The following PWWP2A variants were observed in gnomAD, a reference collection of about 807,000 sequenced individuals.
PWWP2A encodes the protein PWWP domain-containing protein 2A.
A neutral mutation model predicts 48.5 loss-of-function variants in PWWP2A; 18 were observed. That is an observed-to-expected ratio of 0.37 (90% confidence interval 0.26 to 0.55). PWWP2A has a LOEUF of 0.55. PWWP2A is among the 20% of genes least tolerant of loss of function. The pLI, the probability that PWWP2A is intolerant of heterozygous loss-of-function variation, is 0.81. For missense variants in PWWP2A, 867 were observed against 976.4 expected (o/e 0.89, Z 1.49); for synonymous variants, 396 against 387.7 (o/e 1.02, Z -0.25).
At chr5:160,094,710 C>T (rs1187428413) in intron 1 of PWWP2A, among the ~76,000 whole-genome samples, 3 of 152,086 alleles carry the variant, frequency 2.0e-5, no homozygotes, top group Non-Finnish European at 2.9e-5. Context: ...CTTTTTAAAT[C>T]ATCTCACATT....
At chr5:160,118,682 C>T in intron 1 of PWWP2A, 123 bp downstream of exon 1, 1 of 1,010,882 alleles carries the variant, frequency 9.9e-7, no homozygotes, top group Admixed American at 4.2e-5. Flanking sequence ...ACGCGCCGCG[C>T]AGGACCAGAG....
chr5:160,065,149 A>G, intron 4 of PWWP2A: 2 of 1,547,914 alleles, frequency 1.3e-6, no homozygotes, highest in Non-Finnish European at 1.7e-6. Flanking sequence ...CCAATGTTTA[A>G]CTTTTAAAAG....
At chr5:160,095,047 C>CAAAAAAA (rs70987998) in intron 1 of PWWP2A, among the ~76,000 whole-genome samples, 2,100 of 30,888 alleles carry the variant, frequency 0.068, 706 homozygotes, top group Non-Finnish European at 0.083. Flanking sequence ...GACTCTGTCT[C>CAAAAAAA]AAAAAAAAAA....
At chr5:160,055,244 A>C in the PWWP2A span, among the ~76,000 whole-genome samples, 1 of 152,148 alleles carries the variant, frequency 6.6e-6, no homozygotes, top group Non-Finnish European at 1.5e-5. Flanking sequence ...ATTGTCAATA[A>C]AATCTGTATG....
chr5:160,063,851 G>A (rs1753509437), intron 4 of PWWP2A, among the ~76,000 whole-genome samples: 1 of 151,080 alleles, frequency 6.6e-6, no homozygotes. Flanking sequence ...TGCGTTGCTC[G>A]GGCTGGTCTT....
intron 1 of PWWP2A, among the ~76,000 whole-genome samples, chr5:160,113,941 A>G (rs962326173): frequency 3.3e-5 from 5 of 152,306 alleles, no homozygotes; most frequent in Non-Finnish European, 7.4e-5. Flanking sequence ...TGCCACTTAC[A>G]AGTTAACTGG....
intron 2 of PWWP2A, among the ~76,000 whole-genome samples, chr5:160,084,638 C>A (rs570399431): frequency 6.6e-6 from 1 of 151,726 alleles, no homozygotes; most frequent in Non-Finnish European, 1.5e-5. Flanking sequence ...ACCATGTTGC[C>A]GAAGCTGGTC....
At chr5:160,073,004 CAAAAAAAAAA>C (rs35836307), downstream of PWWP2A, among the ~76,000 whole-genome samples, 9 of 58,858 alleles carry the variant, frequency 1.5e-4, no homozygotes, top group East Asian at 6.0e-4. Context: ...GGCTCCGTCT[CAAAAAAAAAA>C]AAAAAAAAAA....
chr5:160,102,193 G>T (rs944101260), intron 1 of PWWP2A, among the ~76,000 whole-genome samples: 1 of 146,624 alleles, frequency 6.8e-6, no homozygotes, highest in Non-Finnish European at 1.5e-5. Context: ...GATCACCTGA[G>T]GTCAGGAGTT....
At chr5:160,050,994 A>G in the PWWP2A span, 2 of 555,406 alleles carry the variant, frequency 3.6e-6, no homozygotes, top group African/African-American at 3.9e-5. Flanking sequence ...TTTTTTATTT[A>G]ATAGGATCAT....
chr5:160,073,337 T>C (rs1343612500), downstream of PWWP2A, among the ~76,000 whole-genome samples: 2 of 151,426 alleles, frequency 1.3e-5, no homozygotes, highest in African/African-American at 2.4e-5. Flanking sequence ...CACGCCATCC[T>C]CCTGCCTCAG....
chr5:160,045,489 C>T, the PWWP2A span, among the ~76,000 whole-genome samples: 882 of 119,650 alleles, frequency 7.4e-3, 6 homozygotes, highest in East Asian at 0.023. Context: ...CACACACACA[C>T]ACACACACAC....
At chr5:160,116,626 T>C (rs1164162149) in intron 1 of PWWP2A, 2 of 982,510 alleles carry the variant, frequency 2.0e-6, no homozygotes, top group African/African-American at 3.5e-5. Flanking sequence ...TAAAGAAAAT[T>C]TTTTAAAAAT....
chr5:160,054,796 A>C, the PWWP2A span, among the ~76,000 whole-genome samples: 1 of 152,174 alleles, frequency 6.6e-6, no homozygotes, highest in Non-Finnish European at 1.5e-5. Flanking sequence ...GAGTATATCT[A>C]AGCCTTTATG....
At chr5:160,071,265 GGTAA>G (rs1289373725), downstream of PWWP2A, among the ~76,000 whole-genome samples, 1 of 152,264 alleles carries the variant, frequency 6.6e-6, no homozygotes, top group African/African-American at 2.4e-5. Flanking sequence ...TGAGACTACT[GGTAA>G]GTAACATTTC....
downstream of PWWP2A, chr5:160,061,670 T>TC (rs1187678825): frequency 3.9e-5 from 6 of 152,268 alleles, no homozygotes; most frequent in East Asian, 1.9e-4. Context: ...CTTTTTTTTT[T>TC]TCCCCCTTAA....
intron 1 of PWWP2A, among the ~76,000 whole-genome samples, chr5:160,101,419 T>C (rs994943192): frequency 6.6e-6 from 1 of 152,114 alleles, no homozygotes; most frequent in Non-Finnish European, 1.5e-5. Flanking sequence ...AAGCCAATCA[T>C]AAAAAGATAT....
rs1206869165 is a variant in PWWP2A at position 160,108,684 on chromosome 5, C to A, written c.584+10121G>T. 3 of 830,684 alleles carry A rather than the reference C, an allele frequency of 3.6e-6. No homozygotes were observed. The African/African-American group carries it at 5.3e-5, about 15-fold the overall frequency. The allele number at this position is 830,684 out of a possible 1,614,324, so 51.5% of individuals were successfully genotyped here. A position where few individuals can be genotyped will look rare whatever the true frequency, so the allele number is the denominator to read the frequency against. On this transcript the variant is annotated intron_variant, in intron 1 of 1. Transcript: ENST00000307063. ...AAACACGTAAATTTTCTACAAATTGCTTTCAAGAACTTAGTGAAAACTGAA... is the reference window on the plus strand; with the variant it reads ...AAACACGTAAATTTTCTACAAATTGATTTCAAGAACTTAGTGAAAACTGAA...
chr5:160,077,554 G>A lies in PWWP2A; in HGVS notation c.*601C>T, dbSNP rs1282657350. On this transcript the variant is annotated 3_prime_UTR_variant, in exon 4 of 4. Coordinates refer to the PWWP2A transcript ENST00000456329. This position sits in a 1 kb window ranked among gnomAD's most constrained non-coding sequence, Gnocchi z 4.2. Reference sequence around the variant, plus strand: ...GCCCTGCTTTATTAAAGAAGGAAAAGATCCAAATTGTGTTTGTGGGGTGGG... The same window carrying A: ...GCCCTGCTTTATTAAAGAAGGAAAAAATCCAAATTGTGTTTGTGGGGTGGG... 1.3e-5 allele frequency: 2 copies of A among 152,270 alleles called. No homozygotes were observed. The highest frequency in any genetic ancestry group is 2.9e-5 in the Non-Finnish European group (2 of 68,088). 9.4% of individuals were successfully genotyped at this position (152,270 alleles called of 1,614,324 possible). A position where few individuals can be genotyped will look rare whatever the true frequency, so the allele number is the denominator to read the frequency against.
Sources: allele counts gnomAD v4.1 joint callset (sites outside exome capture counted in the v4.1 genomes callset), GRCh38; gene constraint gnomAD v4.1.1; non-coding constraint Gnocchi (gnomAD v3.1); transcripts MANE v1.5; gene names NCBI Gene and HGNC (gene_info 2026-07-23, HGNC 2026-07-21).